IL7: variants seen among roughly 807,000 people sequenced by gnomAD.
IL7 encodes interleukin 7, also known as interleukin-7.
A neutral mutation model predicts 21.6 loss-of-function variants in IL7; 3 were observed. That is an observed-to-expected ratio of 0.14 (90% CI 0.06 to 0.36). IL7 has a LOEUF of 0.36. Among genes scored for constraint, IL7 ranks in the 10% least tolerant of loss-of-function variants. The pLI is 1.00. For missense variants in IL7, 175 were observed against 200.2 expected, an observed-to-expected ratio of 0.87 and a Z score of 0.76; for synonymous variants, 62 against 68.1, an observed-to-expected ratio of 0.91 and a Z score of 0.44.
chr8:78,786,060 T>A (rs925224212), intron 2 of IL7, among the ~76,000 whole-genome samples: 2 of 152,186 alleles, frequency 1.3e-5, no homozygotes, highest in African/African-American at 4.8e-5. Flanking sequence ...GTATAGAGAT[T>A]CCTCATGTAC....
intron 2 of IL7, among the ~76,000 whole-genome samples, chr8:78,746,540 G>T (rs982969934): frequency 1.3e-5 from 2 of 152,188 alleles, no homozygotes; most frequent in Admixed American, 6.5e-5. Context: ...TCATTATTCA[G>T]TTGCTTGCAG....
downstream of IL7, among the ~76,000 whole-genome samples, chr8:78,730,474 A>C (rs1426380178): frequency 6.6e-6 from 1 of 151,998 alleles, no homozygotes; most frequent in Non-Finnish European, 1.5e-5. Flanking sequence ...TGAAATTTAG[A>C]AATCAAAGAA....
At chr8:78,789,823 C>G (rs1813627468) in intron 2 of IL7, among the ~76,000 whole-genome samples, 2 of 152,082 alleles carry the variant, frequency 1.3e-5, no homozygotes, top group Admixed American at 1.3e-4. Flanking sequence ...AAAGATGATT[C>G]TAGGCTTTCA....
At chr8:78,776,580 C>T (rs529021377) in intron 2 of IL7, among the ~76,000 whole-genome samples, 3 of 152,144 alleles carry the variant, frequency 2.0e-5, no homozygotes, top group Admixed American at 2.0e-4. Flanking sequence ...TTTTTATTTG[C>T]ATCTGTTCTT....
chr8:78,768,082 C>T (rs1812819042), intron 2 of IL7, among the ~76,000 whole-genome samples: 1 of 151,314 alleles, frequency 6.6e-6, no homozygotes, highest in Admixed American at 6.6e-5. Context: ...CATCCACGTC[C>T]CTACAAAGGA....
chr8:78,762,093 T>C, intron 2 of IL7: 7 of 1,599,470 alleles, frequency 4.4e-6, no homozygotes, highest in Non-Finnish European at 6.0e-6. Flanking sequence ...TTCAGTGTCC[T>C]GATTTCATCT....
At chr8:78,754,316 A>T (rs1373392582) in intron 2 of IL7, among the ~76,000 whole-genome samples, 1 of 152,150 alleles carries the variant, frequency 6.6e-6, no homozygotes, top group South Asian at 2.1e-4. Flanking sequence ...TAAAATAACT[A>T]GGAATACAAC....
At chr8:78,740,474 T>C (rs1289979554) in intron 2 of IL7, among the ~76,000 whole-genome samples, 2 of 152,108 alleles carry the variant, frequency 1.3e-5, no homozygotes, top group South Asian at 2.1e-4. Flanking sequence ...CATCAACAAA[T>C]AACAAGAAAA....
At chr8:78,724,159 A>T (rs543053785) in intron 3 of IL7, 2 of 152,298 alleles carry the variant, frequency 1.3e-5, no homozygotes, top group Non-Finnish European at 2.9e-5. Flanking sequence ...GGAGCTCAGA[A>T]TCCAACCAGC....
intron 2 of IL7, among the ~76,000 whole-genome samples, chr8:78,783,819 G>T (rs1813421214): frequency 6.6e-6 from 1 of 152,088 alleles, no homozygotes; most frequent in South Asian, 2.1e-4. Context: ...GCAGATCAAA[G>T]ATAAAGATTT....
chr8:78,747,409 TCCTTA>T (rs1031839170), intron 2 of IL7, among the ~76,000 whole-genome samples: 4 of 152,136 alleles, frequency 2.6e-5, no homozygotes, highest in Non-Finnish European at 5.9e-5. Context: ...GTCCTCAAAC[TCCTTA>T]CCTCAAGTAA....
Position 78,691,999 on chromosome 8 carries a change from A to G in IL7, n.215-6052T>C, listed in dbSNP as rs145444087. Among the ~76,000 whole-genome samples the G allele has an allele frequency of 2.4e-3, 370 of 152,306 alleles. 2 individuals carry two copies. The highest frequency in any genetic ancestry group is 2.1e-3 in the Non-Finnish European group (141 of 68,010). ...GTGCAATGACTAAATCAAGCTAATT[A>G]ACATACTATCACCTCAAGTACTTAC... is the stretch of plus-strand genomic sequence containing the variant. On this transcript the variant is annotated intron_variant and non_coding_transcript_variant, in intron 3 of 4. Transcript: ENST00000523959.
At chr8:78,736,447 T>A (rs1811598979) in intron 5 of IL7, 27 bp downstream of exon 5, 1 of 1,478,642 alleles carries the variant, frequency 6.8e-7, no homozygotes, top group Non-Finnish European at 9.3e-7. Flanking sequence ...TGATGAACCA[T>A]AAGGAAAATT....
chr8:78,728,572 T>C (rs559181794), downstream of IL7, among the ~76,000 whole-genome samples: 83 of 152,150 alleles, frequency 5.5e-4, no homozygotes, highest in African/African-American at 1.8e-3. Context: ...TCCATATGCA[T>C]AAAATGAAAC....
intron 2 of IL7, chr8:78,761,115 C>G: frequency 6.3e-7 from 1 of 1,592,468 alleles, no homozygotes; most frequent in Non-Finnish European, 8.5e-7. Context: ...AGGAGTTCCA[C>G]TAAAATTTCA....
chr8:78,754,092 GA>G (rs1299640492), intron 2 of IL7, among the ~76,000 whole-genome samples: 7 of 152,148 alleles, frequency 4.6e-5, no homozygotes, highest in African/African-American at 1.7e-4. Flanking sequence ...CAAATAGGAA[GA>G]GAGGATGTGA....
chr8:78,793,359 A>G (rs188904969), intron 2 of IL7, among the ~76,000 whole-genome samples: 2 of 152,260 alleles, frequency 1.3e-5, no homozygotes, highest in East Asian at 3.9e-4. Flanking sequence ...CCTCAGAGAT[A>G]CTGTGGGTTT....
At chr8:78,685,854 GGA>G (rs896637349) in intron 4 of IL7, 29 of 152,302 alleles carry the variant, frequency 1.9e-4, no homozygotes, top group African/African-American at 7.0e-4. Flanking sequence ...ACCACAAACT[GGA>G]TAATTTATAA....
At chr8:78,777,435 T>C (rs950421686) in intron 2 of IL7, among the ~76,000 whole-genome samples, 1 of 152,050 alleles carries the variant, frequency 6.6e-6, no homozygotes, top group Non-Finnish European at 1.5e-5. Context: ...TTAGCATTCA[T>C]CTCATTGCTC....
Sources: allele counts gnomAD v4.1 joint callset (sites outside exome capture counted in the v4.1 genomes callset), GRCh38; gene constraint gnomAD v4.1.1; transcripts MANE v1.5; gene names NCBI Gene and HGNC (gene_info 2026-07-23, HGNC 2026-07-21).